The following PLXDC2 variants were observed in gnomAD, a reference collection of about 807,000 sequenced individuals.
The protein encoded by PLXDC2 is plexin domain-containing protein 2.
PLXDC2 carries 40 observed loss-of-function variants against 68.9 expected under a neutral mutation model. The ratio of observed to expected loss-of-function variants is 0.58; its 90% CI spans 0.45 to 0.76. The LOEUF is 0.76. Ranked by LOEUF, PLXDC2 falls within the 30% of genes least tolerant of loss-of-function variation. The probability of loss-of-function intolerance (pLI) is 0.00; values close to 1 mark genes in which losing one functional copy is unlikely to be tolerated. For synonymous variants in PLXDC2, 243 were observed against 234.2 expected, an observed-to-expected ratio of 1.04 and a Z score of -0.34; for missense variants, 644 against 661.9, an observed-to-expected ratio of 0.97 and a Z score of 0.30.
chr10:20,013,183 C>T (rs149268841), intron 2 of PLXDC2, among the ~76,000 whole-genome samples: 22 of 152,320 alleles, frequency 1.4e-4, no homozygotes, highest in African/African-American at 5.1e-4. Flanking sequence ...TATCTACCTA[C>T]ATACCTACCT....
intron 4 of PLXDC2, among the ~76,000 whole-genome samples, chr10:20,085,533 G>C (rs900296385): frequency 3.3e-5 from 5 of 152,146 alleles, no homozygotes; most frequent in African/African-American, 1.2e-4. Flanking sequence ...TTTCATTTTA[G>C]TAAAAATAGC....
chr10:20,201,661 A>C (rs1834919788), intron 9 of PLXDC2, among the ~76,000 whole-genome samples: 1 of 152,114 alleles, frequency 6.6e-6, no homozygotes, highest in Admixed American at 6.6e-5. Context: ...CAAATGTTTG[A>C]GACGATGGAT....
At chr10:20,031,750 G>A (rs1329639733) in intron 2 of PLXDC2, among the ~76,000 whole-genome samples, 1 of 152,024 alleles carries the variant, frequency 6.6e-6, no homozygotes, top group Non-Finnish European at 1.5e-5. Flanking sequence ...TAGGTATTAG[G>A]CAAAGTTCTA....
At chr10:20,136,009 T>C (rs1186299392) in intron 4 of PLXDC2, among the ~76,000 whole-genome samples, 1 of 152,206 alleles carries the variant, frequency 6.6e-6, no homozygotes, top group Non-Finnish European at 1.5e-5. Flanking sequence ...TATTTTAACT[T>C]GATAGCTGGT....
chr10:20,239,001 T>C (rs913200315), intron 12 of PLXDC2, among the ~76,000 whole-genome samples: 8 of 152,042 alleles, frequency 5.3e-5, no homozygotes, highest in Non-Finnish European at 1.2e-4. Flanking sequence ...ACCTTTACTT[T>C]GGAGATTTTT....
At chr10:20,136,265 A>G (rs1833931996) in intron 4 of PLXDC2, among the ~76,000 whole-genome samples, 1 of 152,212 alleles carries the variant, frequency 6.6e-6, no homozygotes, top group Non-Finnish European at 1.5e-5. Context: ...AGCAGCTGAC[A>G]GACAGTTACA....
chr10:19,869,568 T>C (rs914871036), intron 1 of PLXDC2, among the ~76,000 whole-genome samples: 5 of 151,552 alleles, frequency 3.3e-5, no homozygotes, highest in African/African-American at 7.3e-5. Flanking sequence ...TTAATAACTA[T>C]ATCATAGGAA....
At chr10:20,143,473 C>G (rs1589651093) in intron 5 of PLXDC2, 56 bp downstream of exon 5, 1 of 1,597,798 alleles carries the variant, frequency 6.3e-7, no homozygotes, top group East Asian at 2.2e-5. Flanking sequence ...CCTCAAGCAT[C>G]AGATTCATGT....
At chr10:20,170,102 T>C (rs554855622) in intron 7 of PLXDC2, among the ~76,000 whole-genome samples, 1 of 152,218 alleles carries the variant, frequency 6.6e-6, no homozygotes, top group Non-Finnish European at 1.5e-5. Context: ...TTAAAAATAC[T>C]ACAAAGAGGG....
At chr10:20,237,953 A>G (rs1835456300) in intron 12 of PLXDC2, among the ~76,000 whole-genome samples, 1 of 152,070 alleles carries the variant, frequency 6.6e-6, no homozygotes, top group East Asian at 1.9e-4. Context: ...CTGGACTTTA[A>G]TTGTTGGCAA....
At chr10:20,274,130 CAG>C (rs1225310233) in intron 13 of PLXDC2, among the ~76,000 whole-genome samples, 2 of 151,476 alleles carry the variant, frequency 1.3e-5, no homozygotes, top group South Asian at 2.1e-4. Flanking sequence ...GGAAAGAAAA[CAG>C]AAAGAAAGAA....
chr10:20,129,812 A>G (rs1833843752), intron 4 of PLXDC2, among the ~76,000 whole-genome samples: 1 of 152,078 alleles, frequency 6.6e-6, no homozygotes, highest in African/African-American at 2.4e-5. Flanking sequence ...TTGAAAATCA[A>G]TGACCATAAA....
intron 9 of PLXDC2, among the ~76,000 whole-genome samples, chr10:20,194,160 CTT>C (rs779330091): frequency 4.6e-4 from 66 of 144,050 alleles, no homozygotes; most frequent in Admixed American, 1.6e-3. Flanking sequence ...TTGTTATTAA[CTT>C]AGACTTTGAG....
intron 13 of PLXDC2, among the ~76,000 whole-genome samples, chr10:20,247,928 C>G (rs1388489951): frequency 6.6e-6 from 1 of 152,120 alleles, no homozygotes; most frequent in Non-Finnish European, 1.5e-5. Context: ...AATTGGAAAT[C>G]TGTTATTAAG....
intron 1 of PLXDC2, among the ~76,000 whole-genome samples, chr10:19,999,423 C>T (rs1471873893): frequency 2.0e-5 from 3 of 149,536 alleles, no homozygotes; most frequent in African/African-American, 7.4e-5. Context: ...TTTTGAAAGA[C>T]TGATAGGCCT....
intron 13 of PLXDC2, among the ~76,000 whole-genome samples, chr10:20,262,316 T>C (rs1319367591): frequency 6.6e-6 from 1 of 152,252 alleles, no homozygotes; most frequent in Non-Finnish European, 1.5e-5. Flanking sequence ...CAGTTTTATG[T>C]AATCTCACTT....
chr10:20,162,210 A>G (rs1834309786), intron 6 of PLXDC2, among the ~76,000 whole-genome samples: 1 of 152,138 alleles, frequency 6.6e-6, no homozygotes, highest in Admixed American at 6.5e-5. Context: ...TGGAATGCAT[A>G]ATCTGGAGAG....
intron 1 of PLXDC2, among the ~76,000 whole-genome samples, chr10:19,927,328 A>G (rs1046661065): frequency 1.3e-5 from 2 of 152,272 alleles, no homozygotes. Context: ...CTGACATTTC[A>G]CTTGGACTCT....
chr10:20,189,556 C>CACACACATAT (rs369119157), intron 9 of PLXDC2, among the ~76,000 whole-genome samples: 2 of 124,758 alleles, frequency 1.6e-5, no homozygotes, highest in Admixed American at 8.3e-5. Flanking sequence ...CACACACACA[C>CACACACATAT]ATATATATAT....
Sources: gnomAD v4.1 joint callset for allele counts (sites outside exome capture counted in the v4.1 genomes callset) on GRCh38, gnomAD v4.1.1 for gene constraint, MANE v1.5 for transcripts, NCBI Gene and HGNC (gene_info 2026-07-23, HGNC 2026-07-21) for gene names.